ESR1: variants seen among roughly 807,000 people sequenced by gnomAD.
The protein encoded by ESR1 is estrogen receptor.
A neutral mutation model predicts 52.7 loss-of-function variants in ESR1; 12 were observed. That is an observed-to-expected ratio of 0.23 (90% CI 0.15 to 0.37). The LOEUF (loss-of-function observed/expected upper bound fraction) is 0.37. ESR1 is among the 10% of genes least tolerant of loss of function. The pLI is 1.00. For synonymous variants in ESR1, 305 were observed against 316.8 expected (o/e 0.96, Z 0.39); for missense variants, 584 against 779.7 (o/e 0.75, Z 2.99).
chr6:151,689,112 A>G (rs1351535454), upstream of ESR1, among the ~76,000 whole-genome samples: 1 of 152,198 alleles, frequency 6.6e-6, no homozygotes, highest in Non-Finnish European at 1.5e-5. Context: ...TGCTCTATGT[A>G]ATTTTCATCT....
chr6:151,696,924 G>C (rs1779393602), intron 1 of ESR1, among the ~76,000 whole-genome samples: 1 of 152,150 alleles, frequency 6.6e-6, no homozygotes, highest in African/African-American at 2.4e-5. Flanking sequence ...TGTTTACATG[G>C]GAAAATACAA....
chr6:152,034,776 T>A (rs2045128848), intron 5 of ESR1, among the ~76,000 whole-genome samples: 1 of 152,156 alleles, frequency 6.6e-6, no homozygotes, highest in Non-Finnish European at 1.5e-5. Flanking sequence ...GAATCATAGA[T>A]CTTAACGAGG....
rs910578021 is a variant in ESR1 at position 152,061,598 on chromosome 6, G to A, written c.1369+474G>A. 6.6e-6 allele frequency among the ~76,000 whole-genome samples: 1 copy of A among 152,172 alleles called. No individual in the cohort carries two copies. The highest frequency in any genetic ancestry group is 6.5e-5 in the Admixed American group (1 of 15,276). ...AGTTGGCTTAGAGATAGAAAAACCT[G>A]TTTCTAAAACAGAAGAATGTGGAAT... On this transcript the variant is annotated intron_variant, in intron 6 of 7. Transcript: ENST00000206249. The surrounding 1 kb of genome is among the most constrained non-coding windows in gnomAD (Gnocchi z 4.3).
chr6:152,074,092 A>G (rs1405464319), intron 6 of ESR1, among the ~76,000 whole-genome samples: 2 of 152,192 alleles, frequency 1.3e-5, no homozygotes, highest in Non-Finnish European at 2.9e-5. Flanking sequence ...TACATTGGTT[A>G]CAGCTGATGA....
intron 4 of ESR1, among the ~76,000 whole-genome samples, chr6:152,004,140 C>A (rs944416596): frequency 6.6e-6 from 1 of 151,860 alleles, no homozygotes; most frequent in African/African-American, 2.4e-5. Context: ...TAATCAAATA[C>A]TAGTGGGTGA....
chr6:151,887,010 C>T (rs1309828480), intron 3 of ESR1, among the ~76,000 whole-genome samples: 2 of 148,100 alleles, frequency 1.4e-5, no homozygotes, highest in African/African-American at 5.0e-5. Flanking sequence ...CACTGCACTC[C>T]AGCCTGGGTG....
In ESR1 at chr6:151,807,773, G is replaced by C; in HGVS notation, c.-140G>C. 2.4e-6 allele frequency: 2 copies of C among 847,628 alleles called. No individual in the cohort carries two copies. The highest frequency in any genetic ancestry group is 3.8e-6 in the Non-Finnish European group (2 of 522,190). 52.5% of individuals were successfully genotyped at this position (847,628 alleles called of 1,614,324 possible). A position where few individuals can be genotyped will look rare whatever the true frequency, so the allele number is the denominator to read the frequency against. On this transcript the variant is annotated 5_prime_UTR_variant, in exon 1 of 8. Coordinates refer to ENST00000206249, the MANE Select transcript of ESR1 (RefSeq NM_000125.4). ...CCGCAGGCTCCCGGGGCAGGGCCGGGGCCAGAGCTCGCGTGTCGGCGGGAC... is the reference window on the plus strand; with the variant it reads ...CCGCAGGCTCCCGGGGCAGGGCCGGCGCCAGAGCTCGCGTGTCGGCGGGAC...
chr6:151,996,256 C>T lies in ESR1; in HGVS notation c.1097-15400C>T, dbSNP rs149583283. 1.9e-3 allele frequency among the ~76,000 whole-genome samples: 288 copies of T among 152,220 alleles called. 1 individual carries two copies. Among genetic ancestry groups the T allele is most frequent in the Non-Finnish European group, 3.0e-3 (205 of 68,012 alleles). ...AACTTCTCAGCAAGGTGTTATGGTCCTTCTCAGTTTGCCTACGATCCATTG... is the reference window on the plus strand; with the variant it reads ...AACTTCTCAGCAAGGTGTTATGGTCTTTCTCAGTTTGCCTACGATCCATTG... On this transcript the variant is annotated intron_variant, in intron 4 of 7. Transcript: ENST00000206249.
chr6:151,944,094 G>A, intron 3 of ESR1, 79 bp from the exon 4 acceptor site: 1 of 1,235,598 alleles, frequency 8.1e-7, no homozygotes. Flanking sequence ...ATGAAAGCTG[G>A]TTAGCTTTGA....
intron 3 of ESR1, among the ~76,000 whole-genome samples, chr6:151,931,853 T>C (rs1166013312): frequency 4.0e-4 from 57 of 143,622 alleles, no homozygotes; most frequent in African/African-American, 1.3e-3. Context: ...AGTCTATCAT[T>C]GTTGGACATT....
chr6:151,671,398 G>A (rs1188742875), intron 1 of ESR1, among the ~76,000 whole-genome samples: 1 of 152,294 alleles, frequency 6.6e-6, no homozygotes, highest in South Asian at 2.1e-4. Flanking sequence ...GATGAACCTG[G>A]AGGACATCGT....
chr6:151,975,030 G>A (rs893838785), intron 4 of ESR1, among the ~76,000 whole-genome samples: 25 of 152,290 alleles, frequency 1.6e-4, no homozygotes, highest in African/African-American at 4.6e-4. Context: ...CAGGCTGGGT[G>A]GAAATGGGGT....
At chr6:152,054,612 C>G (rs930027599) in intron 5 of ESR1, among the ~76,000 whole-genome samples, 6 of 152,200 alleles carry the variant, frequency 3.9e-5, no homozygotes, top group Non-Finnish European at 8.8e-5. Flanking sequence ...TACACATTAT[C>G]TCCCATTTCA....
intron 2 of ESR1, among the ~76,000 whole-genome samples, chr6:151,776,669 C>G (rs1354255132): frequency 6.6e-6 from 1 of 152,046 alleles, no homozygotes; most frequent in African/African-American, 2.4e-5. Flanking sequence ...GAAACCATGC[C>G]TCTACTAAAA....
At chr6:151,749,925 C>T (rs1783776262) in intron 2 of ESR1, among the ~76,000 whole-genome samples, 1 of 152,056 alleles carries the variant, frequency 6.6e-6, no homozygotes, top group Non-Finnish European at 1.5e-5. Context: ...GTGACATAAT[C>T]AATATGATTT....
At chr6:151,753,684 G>T (rs931916317) in intron 2 of ESR1, among the ~76,000 whole-genome samples, 1 of 152,190 alleles carries the variant, frequency 6.6e-6, no homozygotes, top group African/African-American at 2.4e-5. Context: ...TATTGCCGTA[G>T]TGTTTCTATT....
At chr6:151,855,845 A>G (rs1369075433) in intron 2 of ESR1, among the ~76,000 whole-genome samples, 1 of 152,196 alleles carries the variant, frequency 6.6e-6, no homozygotes, top group East Asian at 1.9e-4. Context: ...TGGTGTTTCA[A>G]TAGATACCTT....
intron 2 of ESR1, among the ~76,000 whole-genome samples, chr6:151,869,116 C>T (rs996236681): frequency 1.3e-5 from 2 of 152,114 alleles, no homozygotes; most frequent in African/African-American, 4.8e-5. Flanking sequence ...GTTTTACCCT[C>T]TTGCTCTGAT....
At chr6:152,119,529 C>T (rs1203546828) in intron 6 of ESR1, among the ~76,000 whole-genome samples, 1 of 152,148 alleles carries the variant, frequency 6.6e-6, no homozygotes, top group Admixed American at 6.5e-5. Flanking sequence ...ATCTCCTTAC[C>T]ACCATGTTAT....
Sources: allele counts gnomAD v4.1 joint callset (sites outside exome capture counted in the v4.1 genomes callset), GRCh38; gene constraint gnomAD v4.1.1; non-coding constraint Gnocchi (gnomAD v3.1); transcripts MANE v1.5; gene names NCBI Gene and HGNC (gene_info 2026-07-23, HGNC 2026-07-21).